PAN3: variants seen among roughly 807,000 people sequenced by gnomAD.
PAN3 encodes poly(A) specific ribonuclease subunit PAN3.
A neutral mutation model predicts 96.2 loss-of-function variants in PAN3; 19 were observed. The ratio of observed to expected loss-of-function variants is 0.20; its 90% CI spans 0.14 to 0.29. PAN3 has a LOEUF of 0.29. Ranked by LOEUF, PAN3 falls within the 10% of genes least tolerant of loss-of-function variation. The probability of loss-of-function intolerance (pLI) is 1.00; values close to 1 mark genes in which losing one functional copy is unlikely to be tolerated. For synonymous variants in PAN3, 433 were observed against 406.6 expected (o/e 1.06, Z -0.78); for missense variants, 882 against 1,108.1 (o/e 0.80, Z 2.90).
At chr13:28,274,504 A>G (rs1886899095) in intron 14 of PAN3, among the ~76,000 whole-genome samples, 1 of 151,912 alleles carries the variant, frequency 6.6e-6, no homozygotes, top group Non-Finnish European at 1.5e-5. Flanking sequence ...TTAAAAAAAA[A>G]AAAAACTGCA....
intron 1 of PAN3, among the ~76,000 whole-genome samples, chr13:28,148,624 A>C (rs891438019): frequency 6.6e-6 from 1 of 152,068 alleles, no homozygotes; most frequent in African/African-American, 2.4e-5. Context: ...TCCCAGAGAC[A>C]CTCTTTCTAG....
intron 12 of PAN3, among the ~76,000 whole-genome samples, chr13:28,267,674 C>T (rs1022000191): frequency 2.0e-5 from 3 of 152,112 alleles, no homozygotes; most frequent in Non-Finnish European, 2.9e-5. Flanking sequence ...TCTCACATGG[C>T]GGCAGACAAG....
intron 6 of PAN3, chr13:28,239,604 A>C: frequency 7.8e-7 from 1 of 1,289,574 alleles, no homozygotes; most frequent in South Asian, 1.2e-5. Context: ...CTGAGTCAGC[A>C]CTGGACTTGA....
intron 17 of PAN3, among the ~76,000 whole-genome samples, chr13:28,286,340 A>G (rs1345426462): frequency 6.6e-6 from 1 of 152,184 alleles, no homozygotes; most frequent in Non-Finnish European, 1.5e-5. Flanking sequence ...CTGAGGCTCA[A>G]GCTTCTCTCT....
At chr13:28,283,691 C>CTGA (rs1378789323) in intron 17 of PAN3, among the ~76,000 whole-genome samples, 1 of 152,146 alleles carries the variant, frequency 6.6e-6, no homozygotes, top group Admixed American at 6.5e-5. Context: ...CAAATATGAC[C>CTGA]TGACTTATTC....
At chr13:28,186,481 A>AT (rs1223451814) in intron 4 of PAN3, among the ~76,000 whole-genome samples, 2 of 152,246 alleles carry the variant, frequency 1.3e-5, no homozygotes, top group Non-Finnish European at 2.9e-5. Context: ...TATAGTGTTT[A>AT]TAATGCCTTG....
intron 6 of PAN3, among the ~76,000 whole-genome samples, chr13:28,243,668 T>C (rs1362339285): frequency 6.6e-6 from 1 of 152,072 alleles, no homozygotes; most frequent in African/African-American, 2.4e-5. Flanking sequence ...TTTTAATTTC[T>C]ATCTCTTTAG....
chr13:28,280,223 C>A (rs919852449), intron 15 of PAN3, among the ~76,000 whole-genome samples, 189 bp from the exon 16 acceptor site: 10 of 152,304 alleles, frequency 6.6e-5, no homozygotes, highest in Middle Eastern at 3.4e-3. Context: ...ACTGTTTCTC[C>A]ATTGGCTGTT....
At chr13:28,243,854 A>G (rs1357484452) in intron 6 of PAN3, among the ~76,000 whole-genome samples, 1 of 151,918 alleles carries the variant, frequency 6.6e-6, no homozygotes, top group African/African-American at 2.4e-5. Flanking sequence ...ACGCCCAACT[A>G]ACTTTTGTAT....
intron 5 of PAN3, among the ~76,000 whole-genome samples, chr13:28,211,464 T>C (rs185841118): frequency 9.6e-4 from 146 of 152,258 alleles, no homozygotes; most frequent in African/African-American, 3.3e-3. Context: ...GCGTGTGACA[T>C]GATTTATCTT....
rs1593655841 is a variant in PAN3, at chr13:28,294,263, T to C, written c.*1741T>C. 6.6e-6 allele frequency: 1 copy of C among 152,638 alleles called. No individual in the cohort carries two copies. The highest frequency in any genetic ancestry group is 1.9e-4 in the East Asian group (1 of 5,206). The allele number at this position is 152,638 out of a possible 1,614,324, so 9.5% of individuals were successfully genotyped here. On this transcript the variant is annotated 3_prime_UTR_variant, in exon 19 of 19. Transcript: ENST00000380958. The stretch of plus-strand genomic sequence containing the variant: ...TTCAATATTAAAAGGATAATTCACA[T>C]TTGCCACCATAATGTTCTTTTTTAT...
intron 18 of PAN3, 135 bp from the exon 19 acceptor site, chr13:28,292,247 A>T: frequency 1.2e-6 from 1 of 855,382 alleles, no homozygotes; most frequent in African/African-American, 1.7e-5. Flanking sequence ...GATGAATGAT[A>T]TAAATGTACT....
chr13:28,256,865 G>A (rs572969425), intron 7 of PAN3, among the ~76,000 whole-genome samples: 1 of 152,134 alleles, frequency 6.6e-6, no homozygotes, highest in Admixed American at 6.6e-5. Flanking sequence ...TTGTTTATAG[G>A]TATAGATAGT....
chr13:28,139,347 G>A (rs1240677707), intron 1 of PAN3, among the ~76,000 whole-genome samples: 1 of 150,722 alleles, frequency 6.6e-6, no homozygotes, highest in Non-Finnish European at 1.5e-5. Flanking sequence ...ATGTGAAGGG[G>A]GGGCGGGGAG....
intron 15 of PAN3, among the ~76,000 whole-genome samples, chr13:28,278,267 C>A (rs1229139980): frequency 6.6e-6 from 1 of 152,204 alleles, no homozygotes; most frequent in African/African-American, 2.4e-5. Flanking sequence ...CTACTTGTGA[C>A]AGCACTAGAA....
intron 3 of PAN3, 100 bp from the exon 4 acceptor site, chr13:28,177,765 G>A (rs578119058): frequency 1.1e-6 from 1 of 915,966 alleles, no homozygotes; most frequent in African/African-American, 1.6e-5. Flanking sequence ...TTTAATTATT[G>A]TGTCATTTGA....
rs1332718001 is a variant in PAN3, at chr13:28,196,230, G to A, written c.691-955G>A. On this transcript the variant is annotated intron_variant, in intron 4 of 18. Transcript: ENST00000380958. ...GTCTTATACCTCATGACAGAACAAT[G>A]AGTAAACATATATTTTCTTATTTCA... Among the ~76,000 whole-genome samples the A allele has an allele frequency of 2.6e-5, 4 of 151,992 alleles. No individual in the cohort carries two copies. The East Asian group carries it at 7.7e-4, about 29-fold the overall frequency.
intron 5 of PAN3, among the ~76,000 whole-genome samples, chr13:28,207,497 A>G (rs760539879): frequency 7.9e-5 from 12 of 152,154 alleles, no homozygotes; most frequent in South Asian, 2.1e-4. Flanking sequence ...TCTTGTTCCT[A>G]TTGAACTATT....
At chr13:28,245,961 C>G (rs543163519) in intron 6 of PAN3, among the ~76,000 whole-genome samples, 3 of 152,150 alleles carry the variant, frequency 2.0e-5, no homozygotes, top group Non-Finnish European at 4.4e-5. Flanking sequence ...GGTAATTATG[C>G]ATAATGCTAC....
Sources: allele counts gnomAD v4.1 joint callset (sites outside exome capture counted in the v4.1 genomes callset), GRCh38; gene constraint gnomAD v4.1.1; transcripts MANE v1.5; gene names NCBI Gene and HGNC (gene_info 2026-07-23, HGNC 2026-07-21).